Variants in FBLN2 observed in about 807,000 individuals in gnomAD.
FBLN2 encodes the protein fibulin-2.
FBLN2 carries 81 observed loss-of-function variants against 123.7 expected under a neutral mutation model. The observed-to-expected ratio is 0.65, with a 90% CI of 0.55 to 0.79. FBLN2 has a LOEUF of 0.79. Among genes scored for constraint, FBLN2 ranks in the 30% least tolerant of loss-of-function variants. The pLI is 0.00. For synonymous variants in FBLN2, 699 were observed against 701.4 expected (o/e 1.00, Z 0.05); for missense variants, 1,603 against 1,681.3 (o/e 0.95, Z 0.81).
At chr3:13,583,715 C>T (rs1704410114) in intron 2 of FBLN2, among the ~76,000 whole-genome samples, 1 of 152,212 alleles carries the variant, frequency 6.6e-6, no homozygotes, top group African/African-American at 2.4e-5. Flanking sequence ...CACATAAGGA[C>T]GTTTTGGTCA....
chr3:13,576,433 G>C (rs1202990573), intron 2 of FBLN2, among the ~76,000 whole-genome samples: 1 of 152,244 alleles, frequency 6.6e-6, no homozygotes, highest in South Asian at 2.1e-4. Flanking sequence ...GATGAAGGCT[G>C]TAGAGTAAAT....
At chr3:13,559,335 A>G (rs765063471) in intron 1 of FBLN2, among the ~76,000 whole-genome samples, 28 of 115,846 alleles carry the variant, frequency 2.4e-4, no homozygotes, top group Non-Finnish European at 3.6e-4. Flanking sequence ...AGCTATCACT[A>G]TGACCCTGTT....
chr3:13,593,607 G>A (rs113424058), intron 2 of FBLN2, among the ~76,000 whole-genome samples: 10,070 of 151,838 alleles, frequency 0.066, 398 homozygotes, highest in East Asian at 0.14. Flanking sequence ...CCAGCTACTC[G>A]GGAGGCTGAG....
In FBLN2 at chr3:13,603,872, A is replaced by G. The variant is rs546408994; in HGVS notation, c.1307-4190A>G. On this transcript the variant is annotated intron_variant, in intron 2 of 17. Coordinates refer to ENST00000404922, the MANE Select transcript of FBLN2 (RefSeq NM_001004019.2). ...CCACCAACAGTGTAAAAGCGTTCCT[A>G]TTTCTCCACATCCTCTCCAGCACCT... is the stretch of plus-strand genomic sequence containing the variant. Among the ~76,000 whole-genome samples, 29 of 152,216 alleles carry G rather than the reference A, an allele frequency of 1.9e-4. No individual in the cohort carries two copies. In the East Asian group the frequency reaches 4.6e-3, roughly 24 times the overall value.
At chr3:13,599,236 T>C (rs551743724) in intron 2 of FBLN2, among the ~76,000 whole-genome samples, 71 of 152,218 alleles carry the variant, frequency 4.7e-4, no homozygotes, top group African/African-American at 1.0e-3. Context: ...AGTTTAGATA[T>C]GGAAGTTAGG....
intron 1 of FBLN2, among the ~76,000 whole-genome samples, chr3:13,551,212 G>A (rs998919744): frequency 3.9e-5 from 6 of 152,222 alleles, no homozygotes; most frequent in East Asian, 3.9e-4. Flanking sequence ...CTCCATGCAT[G>A]GCTGGGGAAG....
rs373163875 is a variant in FBLN2, at chr3:13,571,433, C to G, written c.1078C>G (p.Pro360Ala). ...TGGGCCGGAGGGCGTGACGCATGCA[C>G]CGAGCCTGGGCAAGGCTGCTCTCGT... Reference protein sequence around the residue: ...STGPEGVTHAPSLGKAALVPT... With the variant: ...STGPEGVTHAASLGKAALVPT... The change falls in exon 2 of 18, where the codon CCG (proline) becomes GCG (alanine). Residue 360 changes from proline to alanine, a missense_variant. Pro to Ala is a conservative substitution (Grantham distance 27, BLOSUM62 -1). Coordinates refer to ENST00000404922, the MANE Select transcript of FBLN2 (RefSeq NM_001004019.2). 1 of 1,612,964 alleles carries G rather than the reference C, an allele frequency of 6.2e-7. No homozygotes were observed. The highest frequency in any genetic ancestry group is 1.7e-5 in the Admixed American group (1 of 59,908).
rs200535662 is a variant in FBLN2 at position 13,629,153 on chromosome 3, AC to A, written c.2714-5del. On this transcript the variant is annotated splice_polypyrimidine_tract_variant and intron_variant, in intron 12 of 17. Coordinates refer to ENST00000404922, the MANE Select transcript of FBLN2 (RefSeq NM_001004019.2). ...CCCCAGGCCTCAAGGTACCCTGCTC[AC>A]CCCCCACAGACGTGAATGAGTGTGA... 2 of 1,612,242 alleles carry A rather than the reference AC, an allele frequency of 1.2e-6. No homozygotes were observed. Among genetic ancestry groups the A allele is most frequent in the Non-Finnish European group, 1.7e-6 (2 of 1,179,332 alleles).
chr3:13,559,505 G>T (rs764090725), intron 1 of FBLN2, among the ~76,000 whole-genome samples: 3 of 152,200 alleles, frequency 2.0e-5, no homozygotes, highest in Non-Finnish European at 4.4e-5. Context: ...CCTGAGGTGG[G>T]TCTTATAGTC....
intron 1 of FBLN2, among the ~76,000 whole-genome samples, chr3:13,550,545 C>T (rs1028131786): frequency 3.9e-5 from 6 of 152,214 alleles, no homozygotes; most frequent in South Asian, 2.1e-4. Flanking sequence ...GATGCTGGTC[C>T]GGGCCCTCCC....
chr3:13,574,589 C>A (rs1283501580), intron 2 of FBLN2, among the ~76,000 whole-genome samples: 1 of 152,170 alleles, frequency 6.6e-6, no homozygotes, highest in Non-Finnish European at 1.5e-5. Context: ...GACCCCCAGC[C>A]CAGCCAGGCC....
intron 1 of FBLN2, among the ~76,000 whole-genome samples, chr3:13,557,532 G>A (rs947690329): frequency 6.6e-6 from 1 of 152,246 alleles, no homozygotes; most frequent in African/African-American, 2.4e-5. Context: ...TGTTCTCTGT[G>A]TTCCATACTC....
At chr3:13,578,575 T>A (rs965479771) in intron 2 of FBLN2, among the ~76,000 whole-genome samples, 2 of 152,262 alleles carry the variant, frequency 1.3e-5, no homozygotes, top group Admixed American at 6.5e-5. Flanking sequence ...TATACCACAT[T>A]TCAAAAATCT....
intron 2 of FBLN2, among the ~76,000 whole-genome samples, chr3:13,604,407 T>G (rs1007258128): frequency 1.3e-5 from 2 of 152,156 alleles, no homozygotes; most frequent in Non-Finnish European, 2.9e-5. Context: ...AATTAATTTT[T>G]GTGTAAGGTG....
rs765554820 is a variant in FBLN2 at position 13,570,700 on chromosome 3, G to T, written c.345G>T (p.Pro115=). The change falls in exon 2 of 18, where the codon CCG becomes CCT. Residue 115 remains proline, a synonymous_variant. Coordinates refer to ENST00000404922, the MANE Select transcript of FBLN2 (RefSeq NM_001004019.2). ...TCAGCTGCCAGTTCATGCTGTGCCC[G>T]GAGCTGCCGCCCAACTGCATCGAGG... ...GKISCQFMLC[P]ELPPNCIEAV... is the part of the protein sequence containing the mutation. 6.3e-7 allele frequency: 1 copy of T among 1,591,482 alleles called. No homozygotes were observed. The highest frequency in any genetic ancestry group is 1.1e-5 in the South Asian group (1 of 88,362).
intron 16 of FBLN2, among the ~76,000 whole-genome samples, chr3:13,633,954 AAC>A (rs56947028): frequency 0.17 from 19,380 of 112,762 alleles, 1,799 homozygotes; most frequent in South Asian, 0.24. Flanking sequence ...ACACACTGCA[AAC>A]ACACACACAC....
In FBLN2 at chr3:13,637,806, G is replaced by A. The variant is rs368845321; in HGVS notation, c.3583G>A (p.Val1195Met). Residue 1195 changes from valine to methionine, a missense_variant, in exon 18 of 18, where the codon GTG becomes ATG. Transcript: ENST00000404922. ...YTGVVYLQRA[V>M]LEPRDFALDV... ...GGGTGTGGTCTACCTGCAGCGGGCC[G>A]TGCTGGAGCCCCGGGACTTTGCCCT... 24 of 1,613,838 alleles carry A rather than the reference G, an allele frequency of 1.5e-5. No individual in the cohort carries two copies. The highest frequency in any genetic ancestry group is 4.5e-5 in the East Asian group (2 of 44,872).
chr3:13,578,388 TC>T (rs1704215344), intron 2 of FBLN2, among the ~76,000 whole-genome samples: 1 of 152,212 alleles, frequency 6.6e-6, no homozygotes, highest in African/African-American at 2.4e-5. Flanking sequence ...TAGCCAGGAA[TC>T]TTCCTTCTGA....
Position 13,597,885 on chromosome 3 carries a change from C to A in FBLN2, c.1307-10177C>A, listed in dbSNP as rs567236083. On this transcript the variant is annotated intron_variant, in intron 2 of 17. Transcript: ENST00000404922. ...TTCTGAAGCTGGGATGTTGCTGGGC[C>A]ATGTCACTGCCAACCCCAGGAGGCC... 7.2e-5 allele frequency among the ~76,000 whole-genome samples: 11 copies of A among 152,318 alleles called. No individual in the cohort carries two copies. The East Asian group carries it at 1.9e-3, about 27-fold the overall frequency.
Sources: gnomAD v4.1 joint callset for allele counts (sites outside exome capture counted in the v4.1 genomes callset) on GRCh38, gnomAD v4.1.1 for gene constraint, MANE v1.5 for transcripts, NCBI Gene and HGNC (gene_info 2026-07-23, HGNC 2026-07-21) for gene names.